Variants in DCBLD2 observed in about 807,000 individuals in gnomAD.
DCBLD2 encodes the protein discoidin, CUB and LCCL domain-containing protein 2.
In DCBLD2, 54 loss-of-function variants were observed where a neutral mutation model predicts 86.8. The observed-to-expected ratio is 0.62, with a 90% CI of 0.50 to 0.78. The LOEUF (loss-of-function observed/expected upper bound fraction) is 0.78. Ranked by LOEUF, DCBLD2 falls within the 30% of genes least tolerant of loss-of-function variation. The pLI is 0.00. For missense variants in DCBLD2, 908 were observed against 954.2 expected (o/e 0.95, Z 0.64); for synonymous variants, 354 against 341.3 (o/e 1.04, Z -0.41).
chr3:98,810,244 T>A (rs2107433636), intron 12 of DCBLD2, among the ~76,000 whole-genome samples: 1 of 152,352 alleles, frequency 6.6e-6, no homozygotes, highest in East Asian at 1.9e-4. Context: ...TGACAACTGG[T>A]AAGCAGTTAA....
At chr3:98,838,640 G>C (rs1344565070) in intron 3 of DCBLD2, among the ~76,000 whole-genome samples, 1 of 152,202 alleles carries the variant, frequency 6.6e-6, no homozygotes, top group South Asian at 2.1e-4. Flanking sequence ...CTTCCCAGAC[G>C]GGGTGGCGGC....
rs752621261 is a variant in DCBLD2 at position 98,822,254 on chromosome 3, A to C, written c.804T>G (p.Ser268=). ...CCACAGATGTGACGTTGTTAGCCAA[A>C]GAACTTTCATAATAGGGGATACCTT... ...ISKGIPYYES[S]LANNVTSVVG... The change falls in exon 6 of 16, where the codon TCT becomes TCG. Residue 268 remains serine (S), a synonymous_variant. Coordinates refer to ENST00000326840, the MANE Select transcript of DCBLD2 (RefSeq NM_080927.4). The C allele has an allele frequency of 1.9e-6, 3 of 1,613,998 alleles. No individual in the cohort carries two copies. Among genetic ancestry groups the C allele is most frequent in the Admixed American group, 3.3e-5 (2 of 60,010 alleles).
At chr3:98,807,351 A>G (rs563220846) in intron 13 of DCBLD2, among the ~76,000 whole-genome samples, 1 of 152,262 alleles carries the variant, frequency 6.6e-6, no homozygotes, top group African/African-American at 2.4e-5. Context: ...TTGGTAAGTG[A>G]TTAGGTCATG....
intron 3 of DCBLD2, 70 bp downstream of exon 3, chr3:98,849,390 TA>T (rs780707032): frequency 7.5e-6 from 12 of 1,597,726 alleles, no homozygotes; most frequent in Non-Finnish European, 1.0e-5. Context: ...AACAGGTACT[TA>T]AAAAAAGCAT....
chr3:98,800,021 A>G (rs78165128), intron 15 of DCBLD2, among the ~76,000 whole-genome samples, 180 bp from the exon 16 acceptor site: 1,524 of 152,338 alleles, frequency 0.01, 23 homozygotes, highest in African/African-American at 0.035. Context: ...AGTACTTCTC[A>G]TAGTAATAAT....
chr3:98,874,908 A>G (rs574694915), intron 2 of DCBLD2, among the ~76,000 whole-genome samples: 1 of 152,290 alleles, frequency 6.6e-6, no homozygotes, highest in South Asian at 2.1e-4. Context: ...AAACTCTGAG[A>G]AAGTAAACTG....
intron 3 of DCBLD2, among the ~76,000 whole-genome samples, chr3:98,840,366 A>G (rs1160018555): frequency 6.6e-6 from 1 of 152,250 alleles, no homozygotes; most frequent in Non-Finnish European, 1.5e-5. Context: ...GGACTGAGCA[A>G]CTTAAAAGAT....
intron 13 of DCBLD2, among the ~76,000 whole-genome samples, chr3:98,803,519 A>T (rs960483773): frequency 7.2e-5 from 11 of 152,162 alleles, no homozygotes; most frequent in Non-Finnish European, 8.8e-5. Flanking sequence ...CTCTTTTCCT[A>T]ATTGAATACC....
At chr3:98,839,273 C>T (rs1241329142) in intron 3 of DCBLD2, among the ~76,000 whole-genome samples, 1 of 150,940 alleles carries the variant, frequency 6.6e-6, no homozygotes, top group Non-Finnish European at 1.5e-5. Context: ...TTCTCAGAGT[C>T]TTGCTCTGTT....
At chr3:98,841,523 C>A (rs990653227) in intron 3 of DCBLD2, among the ~76,000 whole-genome samples, 3 of 152,092 alleles carry the variant, frequency 2.0e-5, no homozygotes, top group African/African-American at 7.2e-5. Flanking sequence ...CAAAAAATAT[C>A]AGCACATTGG....
intron 10 of DCBLD2, 112 bp downstream of exon 10, chr3:98,812,220 A>T: frequency 7.2e-7 from 1 of 1,384,392 alleles, no homozygotes; most frequent in Non-Finnish European, 9.8e-7. Context: ...TATTGTAATT[A>T]GAGTTTAACC....
intron 1 of DCBLD2, among the ~76,000 whole-genome samples, chr3:98,889,695 C>T (rs1943625170): frequency 1.3e-5 from 2 of 152,010 alleles, no homozygotes; most frequent in Non-Finnish European, 2.9e-5. Flanking sequence ...CATATCCTAA[C>T]ATTGCCTATA....
intron 9 of DCBLD2, among the ~76,000 whole-genome samples, chr3:98,817,160 C>A (rs552856203): frequency 1.6e-4 from 25 of 152,268 alleles, no homozygotes; most frequent in Admixed American, 1.5e-3. Flanking sequence ...TGAATAAGAC[C>A]CATCTCTGCC....
intron 2 of DCBLD2, among the ~76,000 whole-genome samples, chr3:98,856,975 G>A (rs578131503): frequency 6.6e-6 from 1 of 152,314 alleles, no homozygotes; most frequent in South Asian, 2.1e-4. Flanking sequence ...GTGGGTTCTT[G>A]GTCTCACTGA....
At chr3:98,856,361 T>C (rs557335973) in intron 2 of DCBLD2, among the ~76,000 whole-genome samples, 24 of 152,046 alleles carry the variant, frequency 1.6e-4, no homozygotes, top group Admixed American at 3.9e-4. Context: ...TCCCGAACTA[T>C]GGTCTCTCTC....
chr3:98,877,350 G>A (rs1228045752), intron 2 of DCBLD2, among the ~76,000 whole-genome samples: 1 of 152,114 alleles, frequency 6.6e-6, no homozygotes, highest in Non-Finnish European at 1.5e-5. Context: ...ACGAATTCTA[G>A]GTAGCAGGCT....
chr3:98,835,929 C>CTTTT (rs1942433902), intron 3 of DCBLD2, among the ~76,000 whole-genome samples: 1 of 19,622 alleles, frequency 5.1e-5, no homozygotes, highest in South Asian at 2.1e-3. Flanking sequence ...TTTCTTCCTT[C>CTTTT]CTTTCTTTCT....
At chr3:98,835,938 CT>C (rs66958811) in intron 3 of DCBLD2, among the ~76,000 whole-genome samples, 8 of 115,074 alleles carry the variant, frequency 7.0e-5, no homozygotes, top group Non-Finnish European at 1.1e-4. Context: ...TCCTTTCTTT[CT>C]TTTTTTTTTT....
At chr3:98,864,549 T>C (rs968677082) in intron 2 of DCBLD2, among the ~76,000 whole-genome samples, 10 of 152,184 alleles carry the variant, frequency 6.6e-5, no homozygotes, top group African/African-American at 2.4e-4. Context: ...TTCATGTCCT[T>C]TGTAGGGACA....
Sources: allele counts gnomAD v4.1 joint callset (sites outside exome capture counted in the v4.1 genomes callset), GRCh38; gene constraint gnomAD v4.1.1; transcripts MANE v1.5; gene names NCBI Gene and HGNC (gene_info 2026-07-23, HGNC 2026-07-21).